CTNNA3: variants seen among roughly 807,000 people sequenced by gnomAD.
CTNNA3 encodes the protein catenin alpha 3, also known as catenin alpha-3.
A neutral mutation model predicts 95.7 loss-of-function variants in CTNNA3; 76 were observed. That is an observed-to-expected ratio of 0.79 (90% CI 0.66 to 0.96). CTNNA3 has a LOEUF of 0.96. Ranked by LOEUF, CTNNA3 falls within the 40% of genes least tolerant of loss-of-function variation. The probability of loss-of-function intolerance (pLI) is 0.00; values close to 1 mark genes in which losing one functional copy is unlikely to be tolerated. For synonymous variants in CTNNA3, 431 were observed against 374.4 expected, an observed-to-expected ratio of 1.15 and a Z score of -1.74; for missense variants, 1,191 against 1,089.8, an observed-to-expected ratio of 1.09 and a Z score of -1.31.
rs183714551 is a variant in CTNNA3 at position 66,791,939 on chromosome 10, A to G, written c.1048-16415T>C. 1.1e-3 allele frequency among the ~76,000 whole-genome samples: 165 copies of G among 151,024 alleles called. 1 individual carries two copies. Among genetic ancestry groups the G allele is most frequent in the Middle Eastern group, 0.01 (3 of 290 alleles). On this transcript the variant is annotated intron_variant, in intron 7 of 17. Coordinates refer to ENST00000433211, the MANE Select transcript of CTNNA3 (RefSeq NM_013266.4). Reference sequence around the variant, plus strand: ...AACTTGTACAACTGCAAAGTGTATAATATTTCACTGAAAAGATATAACATC... The same window carrying G: ...AACTTGTACAACTGCAAAGTGTATAGTATTTCACTGAAAAGATATAACATC...
chr10:67,347,848 A>AAC (rs398013905), intron 5 of CTNNA3, among the ~76,000 whole-genome samples: 7 of 150,044 alleles, frequency 4.7e-5, no homozygotes, highest in Non-Finnish European at 7.4e-5. Context: ...AAAAAAAAAA[A>AAC]CACAAAAACC....
chr10:67,053,706 A>T (rs1197621121), intron 7 of CTNNA3, among the ~76,000 whole-genome samples: 3 of 152,200 alleles, frequency 2.0e-5, no homozygotes, highest in Non-Finnish European at 4.4e-5. Context: ...AGCAAAAACA[A>T]ATGAAAAAAT....
intron 5 of CTNNA3, among the ~76,000 whole-genome samples, chr10:67,320,264 A>T (rs1241742773): frequency 6.6e-6 from 1 of 152,196 alleles, no homozygotes; most frequent in Non-Finnish European, 1.5e-5. Flanking sequence ...AGTTAAAGAA[A>T]TTTTAAAGAG....
At chr10:66,427,316 CTT>C (rs11311804) in intron 11 of CTNNA3, among the ~76,000 whole-genome samples, 1 of 149,142 alleles carries the variant, frequency 6.7e-6, no homozygotes, top group African/African-American at 2.5e-5. Context: ...TTCTTTTAAA[CTT>C]TTTTTTTTGT....
chr10:66,213,746 G>T (rs2088327495), intron 13 of CTNNA3, among the ~76,000 whole-genome samples: 1 of 152,032 alleles, frequency 6.6e-6, no homozygotes, highest in South Asian at 2.1e-4. Context: ...ACATATTTAA[G>T]GGGGAAATGG....
intron 3 of CTNNA3, among the ~76,000 whole-genome samples, chr10:67,579,290 G>T (rs1284210397): frequency 1.4e-5 from 2 of 143,184 alleles, no homozygotes; most frequent in Non-Finnish European, 3.0e-5. Context: ...ACCTATGAGT[G>T]AGAACATGCG....
At chr10:67,283,737 T>C (rs913566495) in intron 5 of CTNNA3, among the ~76,000 whole-genome samples, 1 of 152,168 alleles carries the variant, frequency 6.6e-6, no homozygotes, top group African/African-American at 2.4e-5. Flanking sequence ...TCACTCCTCC[T>C]CCAAAACTTG....
chr10:66,173,490 G>A lies in CTNNA3; in HGVS notation c.1885-70241C>T, dbSNP rs141741171. Among the ~76,000 whole-genome samples, 463 of 152,078 alleles carry A rather than the reference G, an allele frequency of 3.0e-3. 1 individual carries two copies. The highest frequency in any genetic ancestry group is 0.011 in the African/African-American group (445 of 41,480). ...GCTTGAACCCAGGAGTTTGAGACCA[G>A]CCTGGGCAAGATAATGAGACTCCAT... On this transcript the variant is annotated intron_variant, in intron 13 of 17. Coordinates refer to ENST00000433211, the MANE Select transcript of CTNNA3 (RefSeq NM_013266.4).
At chr10:67,179,146 A>T (rs1862383745) in intron 7 of CTNNA3, among the ~76,000 whole-genome samples, 2 of 152,180 alleles carry the variant, frequency 1.3e-5, no homozygotes, top group Admixed American at 1.3e-4. Flanking sequence ...GAAAAGTCAT[A>T]CCCTTTGTAA....
At chr10:66,230,178 G>A (rs758987933) in intron 13 of CTNNA3, among the ~76,000 whole-genome samples, 19 of 152,092 alleles carry the variant, frequency 1.2e-4, no homozygotes, top group Non-Finnish European at 2.6e-4. Flanking sequence ...GTCTCACTGA[G>A]TTTACTTAAG....
intron 5 of CTNNA3, among the ~76,000 whole-genome samples, chr10:67,269,319 A>C (rs1056552076): frequency 1.3e-5 from 2 of 152,194 alleles, no homozygotes; most frequent in Non-Finnish European, 2.9e-5. Flanking sequence ...AAAGGATGAA[A>C]GCTATGTTTT....
At chr10:67,693,730 T>A (rs533325403) in intron 1 of CTNNA3, among the ~76,000 whole-genome samples, 1 of 152,344 alleles carries the variant, frequency 6.6e-6, no homozygotes, top group Non-Finnish European at 1.5e-5. Flanking sequence ...TCCACTTTGA[T>A]TACTTGGGAC....
chr10:65,954,556 T>G (rs991067039), intron 17 of CTNNA3, among the ~76,000 whole-genome samples: 1 of 152,234 alleles, frequency 6.6e-6, no homozygotes, highest in Non-Finnish European at 1.5e-5. Context: ...CTTGACTTAA[T>G]TTTTGTATAA....
chr10:67,267,950 T>C (rs938113473), intron 5 of CTNNA3, among the ~76,000 whole-genome samples: 1 of 152,114 alleles, frequency 6.6e-6, no homozygotes, highest in Non-Finnish European at 1.5e-5. Context: ...TTAAAAATAG[T>C]TGTCTCTGGA....
At chr10:66,890,949 T>C (rs974306583) in intron 7 of CTNNA3, among the ~76,000 whole-genome samples, 2 of 152,050 alleles carry the variant, frequency 1.3e-5, no homozygotes, top group African/African-American at 4.8e-5. Flanking sequence ...CCCACCCACC[T>C]CAATTCTAGA....
rs537243193 is a variant in CTNNA3, at chr10:66,528,613, T to G, written c.1375-7840A>C. 2.7e-4 allele frequency among the ~76,000 whole-genome samples: 41 copies of G among 152,270 alleles called. 1 individual carries two copies. Among genetic ancestry groups the G allele is most frequent in the African/African-American group, 9.9e-4 (41 of 41,574 alleles). ...GGATCCAGCTAAGGGGAAGTTGAGTTGAGGATACATTTAGTTTGTGTTTAG... is the reference window on the plus strand; with the variant it reads ...GGATCCAGCTAAGGGGAAGTTGAGTGGAGGATACATTTAGTTTGTGTTTAG... On this transcript the variant is annotated intron_variant, in intron 10 of 17. Transcript: ENST00000433211.
intron 15 of CTNNA3, among the ~76,000 whole-genome samples, chr10:66,036,203 T>C (rs1328834153): frequency 1.3e-5 from 2 of 152,222 alleles, no homozygotes; most frequent in Non-Finnish European, 2.9e-5. Context: ...TAATAGTGAA[T>C]AATATTAATC....
At chr10:67,235,130 T>A (rs373543139) in intron 5 of CTNNA3, among the ~76,000 whole-genome samples, 2 of 151,924 alleles carry the variant, frequency 1.3e-5, no homozygotes, top group Middle Eastern at 3.2e-3. Flanking sequence ...ATCAAGCTAC[T>A]AATGACTTTC....
rs112905185 is a variant in CTNNA3 at position 66,096,069 on chromosome 10, C to T, written c.1977+7088G>A. 2.2e-4 allele frequency among the ~76,000 whole-genome samples: 33 copies of T among 152,162 alleles called. No homozygotes were observed. In the South Asian group the frequency reaches 4.8e-3, roughly 22 times the overall value. On this transcript the variant is annotated intron_variant, in intron 14 of 17. Transcript: ENST00000433211. ...TCACAATGAAATATGAAATGACTAT[C>T]GTTGAAATTATAATATTTAAATGTC...
Sources: gnomAD v4.1 joint callset for allele counts (sites outside exome capture counted in the v4.1 genomes callset) on GRCh38, gnomAD v4.1.1 for gene constraint, MANE v1.5 for transcripts, NCBI Gene and HGNC (gene_info 2026-07-23, HGNC 2026-07-21) for gene names.